The following GALNTL6 variants were observed in gnomAD, a reference collection of about 807,000 sequenced individuals.
GALNTL6 encodes polypeptide N-acetylgalactosaminyltransferase-like 6.
GALNTL6 carries 46 observed loss-of-function variants against 73.7 expected under a neutral mutation model. The ratio of observed to expected loss-of-function variants is 0.62; its 90% confidence interval spans 0.49 to 0.80. The LOEUF is 0.80. GALNTL6 is among the 30% of genes least tolerant of loss of function. GALNTL6 has a pLI of 0.00. For missense variants in GALNTL6, 604 were observed against 755.0 expected (o/e 0.80, Z 2.34); for synonymous variants, 259 against 263.7 (o/e 0.98, Z 0.17).
At chr4:171,879,978 CAACCA>C (rs1380836027) in intron 2 of GALNTL6, among the ~76,000 whole-genome samples, 1 of 152,114 alleles carries the variant, frequency 6.6e-6, no homozygotes, top group African/African-American at 2.4e-5. Flanking sequence ...TATTAATAAA[CAACCA>C]TTATTGAGGC....
chr4:171,987,997 A>G (rs575336091), intron 2 of GALNTL6, among the ~76,000 whole-genome samples: 27 of 152,294 alleles, frequency 1.8e-4, no homozygotes, highest in African/African-American at 6.3e-4. Context: ...AGCAGAAAGT[A>G]TATGCGTCAG....
At chr4:172,338,894 G>A (rs1381105632) in intron 4 of GALNTL6, among the ~76,000 whole-genome samples, 1 of 152,150 alleles carries the variant, frequency 6.6e-6, no homozygotes, top group African/African-American at 2.4e-5. Context: ...CCCAGGGAGG[G>A]AGGGCAGCCT....
At chr4:172,486,010 A>G (rs531585815) in intron 5 of GALNTL6, among the ~76,000 whole-genome samples, 106 of 152,266 alleles carry the variant, frequency 7.0e-4, no homozygotes, top group African/African-American at 2.4e-3. Context: ...GTTTATTTCC[A>G]TTTTTAAACA....
intron 5 of GALNTL6, among the ~76,000 whole-genome samples, chr4:172,711,267 G>A (rs989836545): frequency 2.6e-5 from 4 of 152,214 alleles, no homozygotes; most frequent in Non-Finnish European, 4.4e-5. Context: ...ATGGAACGCC[G>A]CGTACACATG....
intron 5 of GALNTL6, among the ~76,000 whole-genome samples, chr4:172,775,296 G>A (rs1489382440): frequency 6.6e-6 from 1 of 152,124 alleles, no homozygotes; most frequent in African/African-American, 2.4e-5. Context: ...TGTCTTGATG[G>A]AATCATGGCT....
At chr4:172,683,444 T>C (rs903007683) in intron 5 of GALNTL6, among the ~76,000 whole-genome samples, 3 of 152,244 alleles carry the variant, frequency 2.0e-5, no homozygotes, top group Non-Finnish European at 4.4e-5. Flanking sequence ...TTTACTTTTT[T>C]AAACCAGTGT....
intron 2 of GALNTL6, among the ~76,000 whole-genome samples, chr4:172,209,307 A>G (rs1223172237): frequency 6.6e-6 from 1 of 152,058 alleles, no homozygotes; most frequent in Non-Finnish European, 1.5e-5. Flanking sequence ...GGTGGTATAT[A>G]TGGTCACTGC....
chr4:171,950,243 A>G (rs1188233470), intron 2 of GALNTL6, among the ~76,000 whole-genome samples: 5 of 152,206 alleles, frequency 3.3e-5, no homozygotes, highest in African/African-American at 1.2e-4. Context: ...CATTTTAATA[A>G]CAGATCAAAG....
intron 5 of GALNTL6, among the ~76,000 whole-genome samples, chr4:172,736,065 G>A (rs1294430141): frequency 6.6e-6 from 1 of 152,178 alleles, no homozygotes; most frequent in Non-Finnish European, 1.5e-5. Context: ...CAAGGCCAGG[G>A]TGAAACTAGA....
At chr4:171,911,854 T>G (rs1343114900) in intron 2 of GALNTL6, among the ~76,000 whole-genome samples, 1 of 152,214 alleles carries the variant, frequency 6.6e-6, no homozygotes, top group Non-Finnish European at 1.5e-5. Context: ...AATTTGGATA[T>G]TTTGCTGTTT....
chr4:171,821,282 C>A (rs1042423186), intron 2 of GALNTL6, among the ~76,000 whole-genome samples: 1 of 152,050 alleles, frequency 6.6e-6, no homozygotes, highest in African/African-American at 2.4e-5. Flanking sequence ...GTCAAGAGAT[C>A]CCCCCACTTC....
intron 2 of GALNTL6, among the ~76,000 whole-genome samples, chr4:171,968,812 C>A (rs1412036057): frequency 1.3e-5 from 2 of 148,164 alleles, no homozygotes; most frequent in African/African-American, 2.5e-5. Context: ...CAATCGCCCT[C>A]CCTTGTTCTA....
intron 4 of GALNTL6, among the ~76,000 whole-genome samples, chr4:172,343,383 C>G (rs1181055175): frequency 6.6e-6 from 1 of 152,046 alleles, no homozygotes; most frequent in East Asian, 1.9e-4. Context: ...GAAAATTAAC[C>G]TAAATGCCTG....
At chr4:172,050,741 C>A (rs1016530738) in intron 2 of GALNTL6, among the ~76,000 whole-genome samples, 20 of 152,110 alleles carry the variant, frequency 1.3e-4, no homozygotes, top group African/African-American at 4.6e-4. Flanking sequence ...ATATACTTCT[C>A]CAGGCTAGCT....
chr4:172,462,592 C>T (rs1732657822), intron 5 of GALNTL6, among the ~76,000 whole-genome samples: 1 of 152,112 alleles, frequency 6.6e-6, no homozygotes, highest in Admixed American at 6.6e-5. Flanking sequence ...CTATACAGCT[C>T]CATCAGTATA....
chr4:172,591,532 A>G (rs983337520), intron 5 of GALNTL6, among the ~76,000 whole-genome samples: 2 of 152,202 alleles, frequency 1.3e-5, no homozygotes, highest in East Asian at 3.8e-4. Flanking sequence ...TGAAAAATGA[A>G]TGTGTTATTT....
intron 2 of GALNTL6, among the ~76,000 whole-genome samples, chr4:171,848,187 T>G (rs1400334616): frequency 2.0e-5 from 3 of 152,228 alleles, no homozygotes; most frequent in African/African-American, 7.2e-5. Flanking sequence ...GGTGACCAGG[T>G]GCATTGTCAG....
At chr4:172,435,617 C>G (rs571692802) in intron 5 of GALNTL6, among the ~76,000 whole-genome samples, 2 of 151,984 alleles carry the variant, frequency 1.3e-5, no homozygotes, top group African/African-American at 4.8e-5. Context: ...ATAAGCTCTT[C>G]GAGGAAAAGA....
intron 8 of GALNTL6, among the ~76,000 whole-genome samples, chr4:172,925,740 C>T (rs142323556): frequency 2.0e-5 from 3 of 152,280 alleles, no homozygotes; most frequent in African/African-American, 7.2e-5. Context: ...CAGGTAAGAG[C>T]TCCACCCAGC....
Sources: allele counts gnomAD v4.1 joint callset (sites outside exome capture counted in the v4.1 genomes callset), GRCh38; gene constraint gnomAD v4.1.1; transcripts MANE v1.5; gene names NCBI Gene and HGNC (gene_info 2026-07-23, HGNC 2026-07-21).